MBD5: variants seen among roughly 807,000 people sequenced by gnomAD.
The protein encoded by MBD5 is methyl-CpG binding domain protein 5.
MBD5 carries 13 observed loss-of-function variants against 117.3 expected under a neutral mutation model. The ratio of observed to expected loss-of-function variants is 0.11; its 90% CI spans 0.07 to 0.18. The LOEUF (loss-of-function observed/expected upper bound fraction) is 0.18. Ranked by LOEUF, MBD5 falls within the 10% of genes least tolerant of loss-of-function variation. MBD5 has a pLI of 1.00. For missense variants in MBD5, 1,879 were observed against 2,093.8 expected, an observed-to-expected ratio of 0.90 and a Z score of 2.00; for synonymous variants, 727 against 766.4, an observed-to-expected ratio of 0.95 and a Z score of 0.85.
chr2:148,224,822 T>A (rs1699780342), intron 2 of MBD5, among the ~76,000 whole-genome samples: 1 of 152,122 alleles, frequency 6.6e-6, no homozygotes, highest in Admixed American at 6.5e-5. Flanking sequence ...AGTGACTTTT[T>A]TTGTCTCTCT....
At chr2:148,190,967 A>G (rs1189598964) in intron 2 of MBD5, among the ~76,000 whole-genome samples, 2 of 149,112 alleles carry the variant, frequency 1.3e-5, no homozygotes, top group East Asian at 2.0e-4. Context: ...CTAGTCTCTG[A>G]TAAAACAGAC....
chr2:148,164,310 G>T (rs1271088998), intron 1 of MBD5, among the ~76,000 whole-genome samples: 4 of 151,928 alleles, frequency 2.6e-5, no homozygotes, highest in Non-Finnish European at 5.9e-5. Context: ...AACCATTCTG[G>T]CATTATAGTG....
At chr2:148,258,464 A>C (rs1700644945) in intron 3 of MBD5, among the ~76,000 whole-genome samples, 1 of 152,162 alleles carries the variant, frequency 6.6e-6, no homozygotes, top group African/African-American at 2.4e-5. Context: ...CCCACCGTAC[A>C]TTGGTGGGGG....
In MBD5 at chr2:148,183,294, T is replaced by C. The variant is rs561999842; in HGVS notation, c.-831+4501T>C. ...TCCCCTTATCTTAGAGTTTGAACCA[T>C]ATAGTGACCATGTATTATCGAAGAA... On this transcript the variant is annotated intron_variant, in intron 2 of 13. Coordinates refer to ENST00000642680, the MANE Select transcript of MBD5 (RefSeq NM_001378120.1). Among the ~76,000 whole-genome samples, 7 of 152,102 alleles carry C rather than the reference T, an allele frequency of 4.6e-5. No individual in the cohort carries two copies. The East Asian group carries it at 1.4e-3, about 29-fold the overall frequency.
At chr2:148,237,839 T>G (rs1700123445) in intron 3 of MBD5, among the ~76,000 whole-genome samples, 1 of 152,092 alleles carries the variant, frequency 6.6e-6, no homozygotes, top group Non-Finnish European at 1.5e-5. Context: ...CAGAACTGAT[T>G]AAGGCTGATT....
At chr2:148,268,796 A>T (rs1390757263) in intron 3 of MBD5, among the ~76,000 whole-genome samples, 1 of 151,890 alleles carries the variant, frequency 6.6e-6, no homozygotes, top group Non-Finnish European at 1.5e-5. Context: ...AAATTTCCCA[A>T]CATAGACATT....
At chr2:148,313,327 C>A (rs1369317144) in intron 3 of MBD5, among the ~76,000 whole-genome samples, 1 of 152,200 alleles carries the variant, frequency 6.6e-6, no homozygotes, top group Non-Finnish European at 1.5e-5. Context: ...GGGGCTGCTG[C>A]CTTTCTTTCA....
chr2:148,162,593 T>G (rs1416017849), intron 1 of MBD5, among the ~76,000 whole-genome samples: 1 of 152,250 alleles, frequency 6.6e-6, no homozygotes, highest in Non-Finnish European at 1.5e-5. Flanking sequence ...TTAAAATTAC[T>G]GGCTATCAAA....
intron 1 of MBD5, among the ~76,000 whole-genome samples, chr2:148,024,741 A>T (rs1441619933): frequency 3.3e-5 from 5 of 152,200 alleles, no homozygotes; most frequent in Non-Finnish European, 7.3e-5. Context: ...TTCCCTTCTT[A>T]TACAGGAAGC....
At chr2:148,047,330 T>C (rs1486177957) in intron 1 of MBD5, among the ~76,000 whole-genome samples, 1 of 152,212 alleles carries the variant, frequency 6.6e-6, no homozygotes, top group Non-Finnish European at 1.5e-5. Flanking sequence ...TGACCTTTAC[T>C]AAGGGTCATA....
At chr2:148,151,892 G>A (rs1233226030) in intron 1 of MBD5, among the ~76,000 whole-genome samples, 2 of 152,016 alleles carry the variant, frequency 1.3e-5, no homozygotes, top group Non-Finnish European at 2.9e-5. Context: ...CAAAAAACCA[G>A]CTCCTGGATT....
At chr2:148,408,514 C>G (rs1021971961) in intron 4 of MBD5, among the ~76,000 whole-genome samples, 1 of 152,066 alleles carries the variant, frequency 6.6e-6, no homozygotes, top group Non-Finnish European at 1.5e-5. Flanking sequence ...GGATTATAAT[C>G]TATAGAATTC....
intron 1 of MBD5, among the ~76,000 whole-genome samples, chr2:148,093,905 A>C (rs1203201116): frequency 6.6e-6 from 1 of 152,188 alleles, no homozygotes; most frequent in Non-Finnish European, 1.5e-5. Context: ...TACAAGAACT[A>C]CTTATTAAGT....
intron 1 of MBD5, among the ~76,000 whole-genome samples, chr2:148,104,921 CA>C (rs1282148353): frequency 1.3e-5 from 2 of 151,842 alleles, no homozygotes; most frequent in African/African-American, 4.8e-5. Context: ...TATAATATCC[CA>C]TTTTTTGAAT....
intron 4 of MBD5, among the ~76,000 whole-genome samples, chr2:148,451,746 G>T (rs911048727): frequency 1.3e-5 from 2 of 152,108 alleles, no homozygotes; most frequent in Admixed American, 1.3e-4. Context: ...TGTAGGACTT[G>T]TTCTTAATTG....
chr2:148,122,103 G>A (rs1331456394), intron 1 of MBD5, among the ~76,000 whole-genome samples: 1 of 152,020 alleles, frequency 6.6e-6, no homozygotes, highest in Non-Finnish European at 1.5e-5. Flanking sequence ...AGATTTAACT[G>A]ACCTCCGCAT....
chr2:148,296,985 G>A (rs769864632), intron 3 of MBD5, among the ~76,000 whole-genome samples: 4 of 146,406 alleles, frequency 2.7e-5, no homozygotes, highest in Non-Finnish European at 4.5e-5. Flanking sequence ...AGCAGTTCTC[G>A]TGCCTCAGCC....
chr2:148,182,475 A>C (rs1161458727), intron 2 of MBD5, among the ~76,000 whole-genome samples: 1 of 152,154 alleles, frequency 6.6e-6, no homozygotes, highest in South Asian at 2.1e-4. Context: ...CTATATTTTT[A>C]AGTTAAATGC....
intron 4 of MBD5, among the ~76,000 whole-genome samples, chr2:148,445,820 C>T (rs182216151): frequency 1.1e-4 from 17 of 151,180 alleles, no homozygotes; most frequent in Middle Eastern, 3.4e-3. Context: ...CTTTAATGGT[C>T]GCCATTCTAA....
Sources: gnomAD v4.1 joint callset for allele counts (sites outside exome capture counted in the v4.1 genomes callset) on GRCh38, gnomAD v4.1.1 for gene constraint, MANE v1.5 for transcripts, NCBI Gene and HGNC (gene_info 2026-07-23, HGNC 2026-07-21) for gene names.